DCC: variants seen among roughly 807,000 people sequenced by gnomAD.
DCC encodes netrin receptor DCC.
A neutral mutation model predicts 172.5 loss-of-function variants in DCC; 58 were observed. The ratio of observed to expected loss-of-function variants is 0.34; its 90% CI spans 0.27 to 0.42. The LOEUF is 0.42. DCC is among the 10% of genes least tolerant of loss of function. The probability of loss-of-function intolerance (pLI) is 1.00; values close to 1 mark genes in which losing one functional copy is unlikely to be tolerated. For missense variants in DCC, 1,740 were observed against 1,791.0 expected, an observed-to-expected ratio of 0.97 and a Z score of 0.51; for synonymous variants, 709 against 644.5, an observed-to-expected ratio of 1.10 and a Z score of -1.52.
intron 23 of DCC, among the ~76,000 whole-genome samples, chr18:53,453,987 A>G (rs2045450329): frequency 6.6e-6 from 1 of 152,226 alleles, no homozygotes; most frequent in African/African-American, 2.4e-5. Flanking sequence ...TTACTACTGT[A>G]CTTTGAAGAG....
intron 27 of DCC, among the ~76,000 whole-genome samples, chr18:53,502,159 C>G (rs2046108979): frequency 4.6e-5 from 7 of 152,106 alleles, no homozygotes; most frequent in Admixed American, 4.6e-4. Context: ...GCCATCTCTT[C>G]TTTCCTATTT....
chr18:52,873,997 C>A (rs1235103154), intron 2 of DCC, among the ~76,000 whole-genome samples: 1 of 152,162 alleles, frequency 6.6e-6, no homozygotes, highest in Non-Finnish European at 1.5e-5. Context: ...AGGCTTCATT[C>A]TACTTTTTCT....
At chr18:53,467,541 C>T (rs1486637176) in intron 24 of DCC, among the ~76,000 whole-genome samples, 3 of 151,956 alleles carry the variant, frequency 2.0e-5, no homozygotes, top group Non-Finnish European at 4.4e-5. Flanking sequence ...TATGTATTAA[C>T]AGAGAAAGAT....
chr18:52,628,983 GC>G (rs1175799194), intron 1 of DCC, among the ~76,000 whole-genome samples: 1 of 152,078 alleles, frequency 6.6e-6, no homozygotes. Context: ...ACTCTCTGAA[GC>G]CATTTTCTTA....
At chr18:53,284,161 G>C (rs551154584) in intron 12 of DCC, among the ~76,000 whole-genome samples, 1 of 152,258 alleles carries the variant, frequency 6.6e-6, no homozygotes. Context: ...TACAGGCTTA[G>C]ACCCATGTTT....
At chr18:52,583,344 A>C (rs1392595047) in intron 1 of DCC, among the ~76,000 whole-genome samples, 1 of 152,224 alleles carries the variant, frequency 6.6e-6, no homozygotes, top group African/African-American at 2.4e-5. Flanking sequence ...ACCCAGAAAT[A>C]AATCTGCCTT....
chr18:52,630,865 T>C (rs775219873), intron 1 of DCC, among the ~76,000 whole-genome samples: 226 of 152,186 alleles, frequency 1.5e-3, no homozygotes, highest in Non-Finnish European at 2.8e-3. Context: ...AAAGCTGTTG[T>C]TTATGTAGTG....
chr18:53,522,512 C>T (rs1300121904), intron 27 of DCC, among the ~76,000 whole-genome samples: 1 of 152,128 alleles, frequency 6.6e-6, no homozygotes, highest in African/African-American at 2.4e-5. Context: ...TACCTGACTG[C>T]AAACTATACT....
chr18:52,365,669 ATTAC>A (rs1399638984), intron 1 of DCC, among the ~76,000 whole-genome samples: 2 of 152,314 alleles, frequency 1.3e-5, no homozygotes, highest in African/African-American at 2.4e-5. Context: ...GTAGTCAGAT[ATTAC>A]TTACGCTGGG....
At chr18:53,207,013 C>T (rs998767235) in intron 10 of DCC, among the ~76,000 whole-genome samples, 6 of 143,252 alleles carry the variant, frequency 4.2e-5, no homozygotes, top group African/African-American at 1.5e-4. Context: ...CTATTTTTTG[C>T]TCTTGTTTTT....
chr18:53,492,587 G>C (rs1024541753), intron 26 of DCC, among the ~76,000 whole-genome samples: 1 of 152,050 alleles, frequency 6.6e-6, no homozygotes, highest in Non-Finnish European at 1.5e-5. Context: ...GCCTGTTTTT[G>C]TCAGGTTTGT....
At chr18:52,700,155 CACACAT>C (rs1197416176) in intron 1 of DCC, among the ~76,000 whole-genome samples, 12 of 151,412 alleles carry the variant, frequency 7.9e-5, no homozygotes, top group South Asian at 4.2e-4. Context: ...CCCACACACA[CACACAT>C]GCACACGCAC....
At chr18:53,122,247 A>C (rs1006790392) in intron 7 of DCC, among the ~76,000 whole-genome samples, 1 of 151,982 alleles carries the variant, frequency 6.6e-6, no homozygotes, top group Admixed American at 6.6e-5. Context: ...CTCAGTGCTA[A>C]TTTTACTGTA....
chr18:52,902,462 A>T (rs751066367), intron 2 of DCC, among the ~76,000 whole-genome samples: 9 of 152,176 alleles, frequency 5.9e-5, no homozygotes, highest in Non-Finnish European at 1.3e-4. Context: ...GCTGTGGTTG[A>T]GCAGGTAACT....
intron 1 of DCC, among the ~76,000 whole-genome samples, chr18:52,607,498 G>A (rs927777130): frequency 1.1e-4 from 17 of 152,114 alleles, no homozygotes; most frequent in African/African-American, 4.1e-4. Flanking sequence ...CAATAAAAAT[G>A]CTATCTATTT....
At chr18:52,741,844 G>T (rs890978383) in intron 1 of DCC, among the ~76,000 whole-genome samples, 1 of 152,014 alleles carries the variant, frequency 6.6e-6, no homozygotes, top group African/African-American at 2.4e-5. Flanking sequence ...TCTGCTCCAC[G>T]TCTGTGATGA....
At chr18:52,451,732 A>G in intron 1 of DCC, among the ~76,000 whole-genome samples, 1 of 152,066 alleles carries the variant, frequency 6.6e-6, no homozygotes, top group East Asian at 1.9e-4. Context: ...AATTGCAAGT[A>G]AAAAGGTATA....
At chr18:52,689,626 A>G (rs1297539176) in intron 1 of DCC, among the ~76,000 whole-genome samples, 1 of 152,130 alleles carries the variant, frequency 6.6e-6, no homozygotes, top group Non-Finnish European at 1.5e-5. Flanking sequence ...GCTCCTCAGT[A>G]TATAAAGGCA....
rs906203769 is a variant in DCC at position 53,272,897 on chromosome 18, C to T, written c.1912-32681C>T. On this transcript the variant is annotated intron_variant, in intron 12 of 28. Coordinates refer to ENST00000442544, the MANE Select transcript of DCC (RefSeq NM_005215.4). ...TCACCACAAATTGATATATGATTCTCGAAGAATGAAGCTTCATATGAAAAT... is the reference window on the plus strand; with the variant it reads ...TCACCACAAATTGATATATGATTCTTGAAGAATGAAGCTTCATATGAAAAT... Among the ~76,000 whole-genome samples the T allele has an allele frequency of 3.9e-5, 6 of 152,044 alleles. No individual in the cohort carries two copies. The East Asian group carries it at 9.7e-4, about 25-fold the overall frequency.
Sources: gnomAD v4.1 joint callset for allele counts (sites outside exome capture counted in the v4.1 genomes callset) on GRCh38, gnomAD v4.1.1 for gene constraint, MANE v1.5 for transcripts, NCBI Gene and HGNC (gene_info 2026-07-23, HGNC 2026-07-21) for gene names.